Variants in WDR35 observed in about 807,000 individuals in gnomAD.
WDR35 encodes WD repeat-containing protein 35.
Under a neutral mutation model 158.3 loss-of-function variants are expected in WDR35, and 118 were observed. That is an observed-to-expected ratio of 0.75 (90% CI 0.64 to 0.87). The LOEUF (loss-of-function observed/expected upper bound fraction) is 0.87. Among genes scored for constraint, WDR35 ranks in the 40% least tolerant of loss-of-function variants. The pLI is 0.00. For synonymous variants in WDR35, 448 were observed against 476.1 expected, an observed-to-expected ratio of 0.94 and a Z score of 0.77; for missense variants, 1,263 against 1,405.8, an observed-to-expected ratio of 0.90 and a Z score of 1.62.
chr2:19,935,404 CTGACTA>C, intron 21 of WDR35, 61 bp downstream of exon 21: 1 of 1,551,758 alleles, frequency 6.4e-7, no homozygotes, highest in Non-Finnish European at 8.8e-7. Flanking sequence ...GAGATATTTC[CTGACTA>C]TAACATAAAA....
intron 25 of WDR35, among the ~76,000 whole-genome samples, chr2:19,927,203 C>T (rs548551746): frequency 6.6e-6 from 1 of 152,184 alleles, no homozygotes; most frequent in South Asian, 2.1e-4. Flanking sequence ...TAGATGTAAT[C>T]ACTCTATGAT....
At position 19,936,199 on chromosome 2, in the gene WDR35, G is replaced by A. The variant is rs116756504; in HGVS notation, c.2414+20C>T. ...TAAGTGTTGCATGAATGCTTGAGGA[G>A]CTCCAGGTAAGTTACATACCACTTT... On this transcript the variant is annotated intron_variant, in intron 20 of 26. Coordinates refer to ENST00000281405, the MANE Select transcript of WDR35 (RefSeq NM_020779.4). The A allele has an allele frequency of 6.4e-4, 1,030 of 1,613,710 alleles. 6 individuals carry two copies. The African/African-American group carries it at 0.011, about 17-fold the overall frequency.
At position 19,965,072 on chromosome 2, in the gene WDR35, C is replaced by T. The variant is rs373489967; in HGVS notation, c.1194+1652G>A. On this transcript the variant is annotated intron_variant, in intron 10 of 26. Transcript: ENST00000281405. ...CCGAGTAGCTGGGTTTACAGGCTTG[C>T]GCCACCATGCCCAGCTAATTTTGTA... Among the ~76,000 whole-genome samples the T allele has an allele frequency of 4.0e-3, 602 of 152,090 alleles. 6 individuals are homozygous for T. Among genetic ancestry groups the T allele is most frequent in the South Asian group, 6.2e-3 (30 of 4,820 alleles).
intron 12 of WDR35, among the ~76,000 whole-genome samples, chr2:19,953,039 C>T (rs1671298081): frequency 6.6e-6 from 1 of 152,080 alleles, no homozygotes; most frequent in South Asian, 2.1e-4. Context: ...TGAAAAAACA[C>T]CTAGCATTTC....
At chr2:19,923,134 G>T (rs1670230846) in intron 25 of WDR35, among the ~76,000 whole-genome samples, 2 of 152,118 alleles carry the variant, frequency 1.3e-5, no homozygotes, top group Admixed American at 1.3e-4. Context: ...TCTGTTCAGG[G>T]CTCTCAGCTC....
At chr2:19,920,340 T>A (rs1023590334) in intron 25 of WDR35, among the ~76,000 whole-genome samples, 1 of 152,238 alleles carries the variant, frequency 6.6e-6, no homozygotes, top group African/African-American at 2.4e-5. Flanking sequence ...AATAAAATAC[T>A]GGCAAACCAA....
intron 25 of WDR35, among the ~76,000 whole-genome samples, chr2:19,923,369 G>C (rs1007438462): frequency 2.0e-5 from 3 of 152,150 alleles, no homozygotes; most frequent in Non-Finnish European, 2.9e-5. Flanking sequence ...AGCAATCCCC[G>C]TAGTGAGTAA....
intron 25 of WDR35, among the ~76,000 whole-genome samples, chr2:19,915,918 C>G (rs564550611): frequency 1.2e-5 from 1 of 84,542 alleles, no homozygotes; most frequent in East Asian, 2.6e-4. Context: ...GAGACTCCAT[C>G]TAAAAAAAAA....
intron 16 of WDR35, among the ~76,000 whole-genome samples, chr2:19,945,523 A>G (rs1671017430): frequency 6.6e-6 from 1 of 152,184 alleles, no homozygotes; most frequent in Admixed American, 6.5e-5. Flanking sequence ...CCATGGCTCC[A>G]CCTTTTAAAA....
At chr2:19,969,730 T>C (rs966582998) in intron 8 of WDR35, 125 bp from the exon 9 acceptor site, 2 of 1,033,780 alleles carry the variant, frequency 1.9e-6, no homozygotes, top group East Asian at 2.7e-5. Context: ...CTAGTCACTT[T>C]AAAATCATGT....
chr2:19,927,070 A>G (rs1304077666), intron 25 of WDR35, among the ~76,000 whole-genome samples: 1 of 152,198 alleles, frequency 6.6e-6, no homozygotes, highest in Non-Finnish European at 1.5e-5. Context: ...CACAATGAGT[A>G]ATTTAATGGT....
chr2:19,943,856 A>C (rs1296749736), intron 16 of WDR35, among the ~76,000 whole-genome samples: 1 of 152,104 alleles, frequency 6.6e-6, no homozygotes, highest in African/African-American at 2.4e-5. Flanking sequence ...CTTTGCACAC[A>C]GATGGCATCT....
intron 25 of WDR35, among the ~76,000 whole-genome samples, chr2:19,920,047 T>G (rs1670121452): frequency 1.3e-5 from 2 of 152,318 alleles, no homozygotes; most frequent in Admixed American, 1.3e-4. Flanking sequence ...GTCGAATCCC[T>G]GAACAGATCA....
At chr2:19,988,177 T>G (rs1672631212) in intron 2 of WDR35, among the ~76,000 whole-genome samples, 1 of 152,290 alleles carries the variant, frequency 6.6e-6, no homozygotes, top group Admixed American at 6.5e-5. Context: ...AGCCTCAATT[T>G]TCTCACCTAG....
chr2:19,921,149 T>C (rs1056393539), intron 25 of WDR35, among the ~76,000 whole-genome samples: 5 of 152,124 alleles, frequency 3.3e-5, no homozygotes, highest in Non-Finnish European at 5.9e-5. Context: ...AAAATGGCCA[T>C]ACTGCCCAAA....
chr2:19,973,463 A>C, intron 8 of WDR35, 100 bp downstream of exon 8: 1 of 1,462,760 alleles, frequency 6.8e-7, no homozygotes. Flanking sequence ...CCTAAAAGAA[A>C]ATGTGATAAG....
At position 19,941,785 on chromosome 2, in the gene WDR35, A is replaced by C; in HGVS notation, c.1900T>G (p.Ser634Ala). 1 of 1,570,632 alleles carries C rather than the reference A, an allele frequency of 6.4e-7. No homozygotes were observed. Among genetic ancestry groups the C allele is most frequent in the Non-Finnish European group, 8.7e-7 (1 of 1,149,372 alleles). The change falls in exon 17 of 27, where the codon TCT (serine) becomes GCT (alanine). Residue 634 changes from serine (S) to alanine (A), a missense_variant. Ser to Ala is a moderately conservative substitution (Grantham distance 99, BLOSUM62 1). Coordinates refer to ENST00000281405, the MANE Select transcript of WDR35 (RefSeq NM_020779.4). ...TTTAATATCTCATCCAAAAGAACAG[A>C]TTTAATTTCTAAATCCTCAAAATTA... ...ICNFEDLEIK[S>A]VLLDEILKDP...
intron 19 of WDR35, 134 bp downstream of exon 19, chr2:19,937,609 T>A (rs960918221): frequency 7.6e-6 from 9 of 1,188,438 alleles, no homozygotes; most frequent in South Asian, 2.6e-5. Flanking sequence ...AATATCTAGG[T>A]TGTAATCCAA....
chr2:19,932,476 C>T (rs1670556778), intron 22 of WDR35, 29 bp from the exon 23 acceptor site: 2 of 1,612,452 alleles, frequency 1.2e-6, no homozygotes, highest in African/African-American at 1.3e-5. Context: ...CATTCAGTCA[C>T]CCAAGTATTT....
Sources: gnomAD v4.1 joint callset for allele counts (sites outside exome capture counted in the v4.1 genomes callset) on GRCh38, gnomAD v4.1.1 for gene constraint, MANE v1.5 for transcripts, NCBI Gene and HGNC (gene_info 2026-07-23, HGNC 2026-07-21) for gene names.